PPT1: variants seen among roughly 807,000 people sequenced by gnomAD.
The protein encoded by PPT1 is palmitoyl-protein thioesterase 1.
In PPT1, 24 loss-of-function variants were observed where a neutral mutation model predicts 44.0. The observed-to-expected ratio is 0.54, with a 90% CI of 0.39 to 0.77. The LOEUF is 0.77. PPT1 is among the 30% of genes least tolerant of loss of function. The pLI is 0.00. For missense variants in PPT1, 341 were observed against 378.8 expected, an observed-to-expected ratio of 0.90 and a Z score of 0.83; for synonymous variants, 148 against 140.2, an observed-to-expected ratio of 1.06 and a Z score of -0.39.
chr1:40,083,413 C>T (rs1649083745), intron 5 of PPT1, among the ~76,000 whole-genome samples: 1 of 152,094 alleles, frequency 6.6e-6, no homozygotes, highest in Admixed American at 6.5e-5. Context: ...TGTGATCACA[C>T]CACTGCACTC....
At chr1:40,095,300 C>T (rs1649788849) in intron 1 of PPT1, among the ~76,000 whole-genome samples, 1 of 152,188 alleles carries the variant, frequency 6.6e-6, no homozygotes, top group African/African-American at 2.4e-5. Context: ...TCATTTCCTC[C>T]ACCTCCAAAT....
chr1:40,086,412 C>G (rs1649265842), intron 5 of PPT1, among the ~76,000 whole-genome samples: 1 of 152,206 alleles, frequency 6.6e-6, no homozygotes, highest in Non-Finnish European at 1.5e-5. Flanking sequence ...GCTTCCCCAC[C>G]AGTTACTGTG....
At position 40,091,329 on chromosome 1, in the gene PPT1, C is replaced by T. The variant is rs369186379; in HGVS notation, c.433G>A (p.Gly145Ser). 1.2e-6 allele frequency: 2 copies of T among 1,613,522 alleles called. No homozygotes were observed. Among genetic ancestry groups the T allele is most frequent in the African/African-American group, 1.3e-5 (1 of 74,966 alleles). The change falls in exon 4 of 9, where the codon GGT becomes AGT. Residue 145 changes from glycine to serine, a missense_variant and splice_region_variant. By Grantham distance (56) the Gly-to-Ser change is moderately conservative. Coordinates refer to ENST00000642050, the MANE Select transcript of PPT1 (RefSeq NM_000310.4). Reference sequence around the variant, plus strand: ...AAAGAAAGCAAAGAGGCAAAGTTACCTTGATGTTGTCCCCCAACCGAGATC... The same window carrying T: ...AAAGAAAGCAAAGAGGCAAAGTTACTTTGATGTTGTCCCCCAACCGAGATC... Reference protein sequence around the residue: ...NLISVGGQHQGVFGLPRCPGE... With the variant: ...NLISVGGQHQSVFGLPRCPGE...
intron 5 of PPT1, among the ~76,000 whole-genome samples, chr1:40,086,902 C>A (rs1293087896): frequency 6.6e-6 from 1 of 152,018 alleles, no homozygotes; most frequent in Admixed American, 6.6e-5. Context: ...GTATTACTTT[C>A]TTTTAAAATT....
At chr1:40,095,752 T>C (rs1238345216) in intron 1 of PPT1, among the ~76,000 whole-genome samples, 1 of 152,182 alleles carries the variant, frequency 6.6e-6, no homozygotes, top group African/African-American at 2.4e-5. Flanking sequence ...AGTCATCATC[T>C]CTTGTTTAAA....
At chr1:40,080,367 C>T in intron 6 of PPT1, 30 bp downstream of exon 6, 1 of 1,596,656 alleles carries the variant, frequency 6.3e-7, no homozygotes, top group Non-Finnish European at 8.6e-7. Flanking sequence ...AAAGAACGCA[C>T]ATCTATGGGA....
At chr1:40,094,477 AC>A (rs553797676) in intron 1 of PPT1, among the ~76,000 whole-genome samples, 1 of 151,596 alleles carries the variant, frequency 6.6e-6, no homozygotes, top group Non-Finnish European at 1.5e-5. Context: ...GGAGTTTGGG[AC>A]CCCCGCTCTA....
chr1:40,078,500 C>A (rs1189592723), intron 7 of PPT1, 60 bp downstream of exon 7: 1 of 1,530,656 alleles, frequency 6.5e-7, no homozygotes, highest in Non-Finnish European at 9.0e-7. Flanking sequence ...CCGTGCCCGG[C>A]CAGCAGCCCT....
intron 8 of PPT1, 107 bp from the exon 9 acceptor site, chr1:40,074,290 G>A (rs1557705089): frequency 7.1e-7 from 1 of 1,405,704 alleles, no homozygotes; most frequent in Admixed American, 1.8e-5. Context: ...TTTGTCCTGA[G>A]TATTAAAATT....
intron 5 of PPT1, among the ~76,000 whole-genome samples, chr1:40,087,324 C>T (rs371697962): frequency 6.6e-6 from 1 of 151,864 alleles, no homozygotes; most frequent in Non-Finnish European, 1.5e-5. Context: ...CTCACTGCAA[C>T]CTCCGCCTTC....
In PPT1 at chr1:40,073,039, T is replaced by A. The variant is rs1648336163; in HGVS notation, c.*1022A>T. The stretch of plus-strand genomic sequence containing the variant: ...CTGTAACAGGAATTCTCAGGAGTCC[T>A]TAGACACTCTAATGTGGGTTGATCT... On this transcript the variant is annotated 3_prime_UTR_variant, in exon 9 of 9. Transcript: ENST00000642050. 6.6e-6 allele frequency: 1 copy of A among 152,248 alleles called. No homozygotes were observed. The highest frequency in any genetic ancestry group is 1.5e-5 in the Non-Finnish European group (1 of 68,044). The allele number at this position is 152,248 out of a possible 1,614,324, so 9.4% of individuals were successfully genotyped here. A position where few individuals can be genotyped will look rare whatever the true frequency, so the allele number is the denominator to read the frequency against.
chr1:40,079,011 G>A (rs1226832010), intron 6 of PPT1, among the ~76,000 whole-genome samples: 3 of 151,980 alleles, frequency 2.0e-5, no homozygotes, highest in East Asian at 3.9e-4. Flanking sequence ...CCAGCTTTTG[G>A]AGTCTCCAGT....
At chr1:40,080,660 G>A (rs1456593575) in intron 5 of PPT1, among the ~76,000 whole-genome samples, 173 bp from the exon 6 acceptor site, 1 of 152,120 alleles carries the variant, frequency 6.6e-6, no homozygotes, top group African/African-American at 2.4e-5. Flanking sequence ...TGGATCACGA[G>A]GTCAGGAGTT....
At chr1:40,089,292 A>AAAAAAAAAAAAAAAAAAAG in intron 5 of PPT1, 118 bp downstream of exon 5, 1 of 587,740 alleles carries the variant, frequency 1.7e-6, no homozygotes, top group Non-Finnish European at 3.0e-6. Flanking sequence ...ATCTCAAAAA[A>AAAAAAAAAAAAAAAAAAAG]AAAGATCTCA....
chr1:40,090,607 C>G (rs1464793728), intron 4 of PPT1, among the ~76,000 whole-genome samples: 1 of 152,066 alleles, frequency 6.6e-6, no homozygotes, highest in African/African-American at 2.4e-5. Context: ...TACCAACTTA[C>G]GTTTGTATAA....
Position 40,074,196 on chromosome 1 carries a change from A to C in PPT1, c.799-13T>G. 1 of 1,613,982 alleles carries C rather than the reference A, an allele frequency of 6.2e-7. No homozygotes were observed. Among genetic ancestry groups the C allele is most frequent in the Non-Finnish European group, 8.5e-7 (1 of 1,179,940 alleles). Reference sequence around the variant, plus strand: ...GCCCCAGGCGGTCCTGCAGAAGGAAAGGCCATAATTAATTAAAAAGCTTAA... The same window carrying C: ...GCCCCAGGCGGTCCTGCAGAAGGAACGGCCATAATTAATTAAAAAGCTTAA... On this transcript the variant is annotated splice_polypyrimidine_tract_variant and intron_variant, in intron 8 of 8. Transcript: ENST00000642050.
chr1:40,090,846 A>G (rs898902101), intron 4 of PPT1, among the ~76,000 whole-genome samples: 3 of 6,602 alleles, frequency 4.5e-4, no homozygotes, highest in Non-Finnish European at 1.3e-3. Flanking sequence ...TATACCCATC[A>G]ACAACAGAGA....
chr1:40,091,457 A>G (rs1649560865), intron 3 of PPT1, 58 bp from the exon 4 acceptor site: 1 of 1,452,870 alleles, frequency 6.9e-7, no homozygotes, highest in African/African-American at 1.4e-5. Flanking sequence ...ATCATCCACA[A>G]TCAGCATCAC....
rs539194943 is a variant in PPT1, at chr1:40,097,229, G to A, written c.10C>T (p.Pro4Ser). The change falls in exon 1 of 9, where the codon CCC becomes TCC. Residue 4 changes from proline (P) to serine (S), a missense_variant. By Grantham distance (74) the Pro-to-Ser change is moderately conservative (BLOSUM62 -1). Transcript: ENST00000642050. MAS[P>S]GCLWLLAVAL... Reference sequence around the variant, plus strand: ...ACAGCCAAGAGCCACAGGCAGCCGGGCGACGCCATCTTCGCTGTGTCACAT... The same window carrying A: ...ACAGCCAAGAGCCACAGGCAGCCGGACGACGCCATCTTCGCTGTGTCACAT... 2.5e-6 allele frequency: 4 copies of A among 1,613,928 alleles called. No homozygotes were observed. In the Admixed American group the frequency reaches 5.0e-5, roughly 20 times the overall value.
Sources: allele counts gnomAD v4.1 joint callset (sites outside exome capture counted in the v4.1 genomes callset), GRCh38; gene constraint gnomAD v4.1.1; transcripts MANE v1.5; gene names NCBI Gene and HGNC (gene_info 2026-07-23, HGNC 2026-07-21).